TRIM24: variants seen among roughly 807,000 people sequenced by gnomAD.
The protein encoded by TRIM24 is transcription intermediary factor 1-alpha.
TRIM24 carries 29 observed loss-of-function variants against 123.9 expected under a neutral mutation model. The ratio of observed to expected loss-of-function variants is 0.23; its 90% confidence interval spans 0.17 to 0.32. The LOEUF (loss-of-function observed/expected upper bound fraction) is 0.32, where lower values mean the gene tolerates loss of function less well. TRIM24 is among the 10% of genes least tolerant of loss of function. The pLI, the probability that TRIM24 is intolerant of heterozygous loss-of-function variation, is 1.00. For missense variants in TRIM24, 932 were observed against 1,295.3 expected (o/e 0.72, Z 4.31); for synonymous variants, 456 against 461.1 (o/e 0.99, Z 0.14).
intron 1 of TRIM24, chr7:138,461,241 T>C: frequency 1.6e-6 from 1 of 606,952 alleles, no homozygotes; most frequent in Non-Finnish European, 3.2e-6. Context: ...AATCTCGGGT[T>C]CTTTGCCGGC....
intron 1 of TRIM24, among the ~76,000 whole-genome samples, chr7:138,503,282 T>C (rs1796079770): frequency 1.3e-5 from 2 of 152,200 alleles, no homozygotes. Flanking sequence ...GTGCTTTGAA[T>C]CTATAGATAT....
chr7:138,468,646 C>T (rs1795204125), intron 1 of TRIM24, among the ~76,000 whole-genome samples: 1 of 152,130 alleles, frequency 6.6e-6, no homozygotes, highest in Admixed American at 6.5e-5. Flanking sequence ...TTAAGACTGA[C>T]ATCTTTTTAT....
chr7:138,508,243 G>A (rs745934563), intron 2 of TRIM24, among the ~76,000 whole-genome samples: 4 of 152,068 alleles, frequency 2.6e-5, no homozygotes, highest in Admixed American at 6.6e-5. Context: ...GTCATTTAAC[G>A]TGCTGATTAT....
chr7:138,516,808 G>GTTTTTTTT (rs1224612357), intron 3 of TRIM24, among the ~76,000 whole-genome samples: 92 of 131,870 alleles, frequency 7.0e-4, no homozygotes, highest in African/African-American at 2.3e-3. Flanking sequence ...TAGCAAAACC[G>GTTTTTTTT]TTTTGTTTTT....
At chr7:138,530,516 A>T (rs540527371) in intron 6 of TRIM24, among the ~76,000 whole-genome samples, 1 of 152,242 alleles carries the variant, frequency 6.6e-6, no homozygotes, top group East Asian at 1.9e-4. Context: ...CCCAGACAGA[A>T]GTGCAATAGC....
In TRIM24 at chr7:138,589,932, T is replaced by TA. The variant is rs1798077326; in HGVS notation, c.*4988dup. 6.6e-6 allele frequency: 1 copy of TA among 152,216 alleles called. No homozygotes were observed. Among genetic ancestry groups the TA allele is most frequent in the South Asian group, 2.1e-4 (1 of 4,836 alleles). 9.4% of individuals were successfully genotyped at this position (152,216 alleles called of 1,614,324 possible). A position where few individuals can be genotyped will look rare whatever the true frequency, so the allele number is the denominator to read the frequency against. ...TCAAATTAAGTCCTAATTTGAGTCC[T>TA]AAAAAAATCTTTCCTTGTTAGTTGC... On this transcript the variant is annotated 3_prime_UTR_variant, in exon 19 of 19. Coordinates refer to ENST00000343526, the MANE Select transcript of TRIM24 (RefSeq NM_015905.3).
chr7:138,477,540 C>T (rs940407135), intron 1 of TRIM24, among the ~76,000 whole-genome samples: 2 of 152,150 alleles, frequency 1.3e-5, no homozygotes, highest in Non-Finnish European at 2.9e-5. Flanking sequence ...CTGTATCAAC[C>T]AGATAGTTTT....
chr7:138,586,069 T>C lies in TRIM24; in HGVS notation c.*1118T>C, dbSNP rs1798013767. 2 of 414,198 alleles carry C rather than the reference T, an allele frequency of 4.8e-6. No individual in the cohort carries two copies. The highest frequency in any genetic ancestry group is 9.4e-6 in the Non-Finnish European group (2 of 211,676). 25.7% of individuals were successfully genotyped at this position (414,198 alleles called of 1,614,324 possible). A position where few individuals can be genotyped will look rare whatever the true frequency, so the allele number is the denominator to read the frequency against. On this transcript the variant is annotated 3_prime_UTR_variant, in exon 19 of 19. Coordinates refer to ENST00000343526, the MANE Select transcript of TRIM24 (RefSeq NM_015905.3). The stretch of plus-strand genomic sequence containing the variant: ...GAGTCAGAACATCAAACTTAATCTT[T>C]GATCTGACTTCTGATTTTATTCTTC...
intron 2 of TRIM24, among the ~76,000 whole-genome samples, chr7:138,508,678 TGTGTGTGTGTGTGTGCGCGC>T (rs1796204123): frequency 2.0e-5 from 1 of 51,216 alleles, no homozygotes; most frequent in East Asian, 4.9e-4. Context: ...TGTGTGTGTG[TGTGTGTGTGTGTGTGCGCGC>T]GCGTGTGTGC....
intron 1 of TRIM24, among the ~76,000 whole-genome samples, chr7:138,464,326 G>A (rs1476180423): frequency 6.6e-6 from 1 of 151,808 alleles, no homozygotes; most frequent in Non-Finnish European, 1.5e-5. Flanking sequence ...TAAATAACGG[G>A]TTCATTTGAT....
Position 138,499,806 on chromosome 7 carries a change from GT to G in TRIM24, c.365-4472del, listed in dbSNP as rs981975476. Among the ~76,000 whole-genome samples the G allele has an allele frequency of 3.3e-3, 481 of 144,374 alleles. 2 individuals carry two copies. Among genetic ancestry groups the G allele is most frequent in the African/African-American group, 7.1e-3 (283 of 39,606 alleles). 94.7% of individuals were successfully genotyped at this position (144,374 alleles called of 152,430 possible). ...TTGAATGTGTATCTGTTAGCATTCT[GT>G]TTTTTTTTTTTCCTTTAACCTCTCT... On this transcript the variant is annotated intron_variant, in intron 1 of 18. Transcript: ENST00000343526.
chr7:138,471,266 A>G (rs978153013), intron 1 of TRIM24, among the ~76,000 whole-genome samples: 6 of 152,200 alleles, frequency 3.9e-5, no homozygotes, highest in Non-Finnish European at 1.5e-5. Flanking sequence ...GTTTTACGCT[A>G]ATATGATTTA....
intron 16 of TRIM24, among the ~76,000 whole-genome samples, chr7:138,581,460 ATTG>A (rs1243715788): frequency 6.6e-6 from 1 of 152,210 alleles, no homozygotes; most frequent in Non-Finnish European, 1.5e-5. Flanking sequence ...GTGCAAATTT[ATTG>A]TTAGAAAACT....
chr7:138,525,807 G>C (rs1796596442), intron 5 of TRIM24, among the ~76,000 whole-genome samples: 1 of 152,050 alleles, frequency 6.6e-6, no homozygotes, highest in Non-Finnish European at 1.5e-5. Context: ...TAGGATACAG[G>C]GATTGTTAAA....
Position 138,577,460 on chromosome 7 carries a change from C to T in TRIM24, c.2128C>T (p.His710Tyr), listed in dbSNP as rs768072408. 2 of 1,597,358 alleles carry T rather than the reference C, an allele frequency of 1.3e-6. No individual in the cohort carries two copies. Among genetic ancestry groups the T allele is most frequent in the East Asian group, 2.3e-5 (1 of 43,322 alleles). ...SSKPAGADSTHKVPVVMLEPI... is the reference protein window; with the variant it reads ...SSKPAGADSTYKVPVVMLEPI... ...CAAACCAGCAGGAGCTGACTCTACA[C>T]ACAAAGTCCCAGTGGTCATGCTGGA... The change falls in exon 14 of 19, where the codon CAC (histidine) becomes TAC (tyrosine). Residue 710 changes from histidine to tyrosine, a missense_variant. His to Tyr is a moderately conservative substitution (Grantham distance 83). Coordinates refer to ENST00000343526, the MANE Select transcript of TRIM24 (RefSeq NM_015905.3).
At position 138,567,494 on chromosome 7, in the gene TRIM24, G is replaced by T. The variant is rs189329735; in HGVS notation, c.1544G>T (p.Arg515Leu). 1 of 1,604,808 alleles carries T rather than the reference G, an allele frequency of 6.2e-7. No individual in the cohort carries two copies. The highest frequency in any genetic ancestry group is 1.3e-5 in the African/African-American group (1 of 74,388). ...PSISHQQPPP[R>L]LINFQNHSPK... is the part of the protein sequence containing the mutation. ...TCTTTTTTCTAGCAACCGCCTCCAC[G>T]TTTGATAAACTTTCAGAATCACAGC... Residue 515 changes from arginine (R) to leucine (L), a missense_variant, in exon 10 of 19, where the codon CGT becomes CTT. This residue lies in a region of TRIM24 where 527 missense variants were observed against 691.3 expected (regional missense o/e 0.76). Transcript: ENST00000343526.
intron 14 of TRIM24, among the ~76,000 whole-genome samples, chr7:138,578,622 T>C (rs1584749104): frequency 6.6e-6 from 1 of 151,886 alleles, no homozygotes; most frequent in African/African-American, 2.4e-5. Flanking sequence ...AAAAACCTAA[T>C]CTCCTGATCT....
chr7:138,481,767 C>T (rs1795531183), intron 1 of TRIM24, among the ~76,000 whole-genome samples: 1 of 151,990 alleles, frequency 6.6e-6, no homozygotes, highest in South Asian at 2.1e-4. Context: ...GAGCCTTCAT[C>T]ATACCACAGC....
chr7:138,569,986 A>G (rs910756625), intron 10 of TRIM24, among the ~76,000 whole-genome samples: 3 of 141,626 alleles, frequency 2.1e-5, no homozygotes, highest in Non-Finnish European at 4.5e-5. Flanking sequence ...CTCTCTCTGT[A>G]GCCCAGGCTG....
Sources: gnomAD v4.1 joint callset for allele counts (sites outside exome capture counted in the v4.1 genomes callset) on GRCh38, gnomAD v4.1.1 for gene constraint, gnomAD v4.1.1 regional missense constraint, MANE v1.5 for transcripts, NCBI Gene and HGNC (gene_info 2026-07-23, HGNC 2026-07-21) for gene names.